TOPAZ1: variants seen among roughly 807,000 people sequenced by gnomAD.
TOPAZ1 encodes protein TOPAZ1.
TOPAZ1 carries 66 observed loss-of-function variants against 172.2 expected under a neutral mutation model. That is an observed-to-expected ratio of 0.38 (90% confidence interval 0.31 to 0.47). The LOEUF (loss-of-function observed/expected upper bound fraction) is 0.47, where lower values mean the gene tolerates loss of function less well. Among genes scored for constraint, TOPAZ1 ranks in the 20% least tolerant of loss-of-function variants. The pLI is 0.99. For synonymous variants in TOPAZ1, 681 were observed against 683.9 expected (o/e 1.00, Z 0.07); for missense variants, 1,822 against 1,972.4 (o/e 0.92, Z 1.44).
chr3:44,321,359 G>A (rs1168848805), intron 17 of TOPAZ1, among the ~76,000 whole-genome samples, 168 bp downstream of exon 17: 1 of 152,080 alleles, frequency 6.6e-6, no homozygotes, highest in Non-Finnish European at 1.5e-5. Flanking sequence ...ATACTTTCCT[G>A]ATGGTTTAAA....
chr3:44,336,456 G>A (rs2125709929), downstream of TOPAZ1, among the ~76,000 whole-genome samples: 1 of 152,310 alleles, frequency 6.6e-6, no homozygotes, highest in South Asian at 2.1e-4. Flanking sequence ...ATTATCTGTT[G>A]TTCAGCCACA....
intron 8 of TOPAZ1, among the ~76,000 whole-genome samples, chr3:44,274,647 C>T (rs1453904248): frequency 6.6e-6 from 1 of 151,658 alleles, no homozygotes; most frequent in Non-Finnish European, 1.5e-5. Context: ...CTCCGCCTCC[C>T]GGGTTCAAGC....
At chr3:44,324,037 C>A (rs1423987118) in intron 18 of TOPAZ1, among the ~76,000 whole-genome samples, 1 of 152,154 alleles carries the variant, frequency 6.6e-6, no homozygotes, top group Admixed American at 6.5e-5. Flanking sequence ...TGTCAAATAT[C>A]CTAGCCACTA....
intron 12 of TOPAZ1, among the ~76,000 whole-genome samples, chr3:44,302,832 A>G (rs139331760): frequency 1.9e-3 from 287 of 152,116 alleles, no homozygotes; most frequent in Non-Finnish European, 3.3e-3. Flanking sequence ...TATAAAAGCT[A>G]TTGTTTTTTG....
intron 12 of TOPAZ1, among the ~76,000 whole-genome samples, chr3:44,292,363 A>G (rs1700147257): frequency 6.6e-6 from 1 of 152,178 alleles, no homozygotes; most frequent in African/African-American, 2.4e-5. Context: ...AGTAGGGTGC[A>G]TTGATGTTGT....
chr3:44,242,288 A>C lies in TOPAZ1; in HGVS notation c.235A>C (p.Arg79=), dbSNP rs915545247. 1 of 1,551,086 alleles carries C rather than the reference A, an allele frequency of 6.4e-7. No homozygotes were observed. Among genetic ancestry groups the C allele is most frequent in the Non-Finnish European group, 8.7e-7 (1 of 1,146,846 alleles). ...AGCATCAGGGGCTGGAAAGGCCGCA[A>C]GGCGTCAGGTGGAGGGGCGCAGGGG... The part of the protein sequence containing the change: ...VAASGAGKAA[R]RQVEGRRGPV... The change falls in exon 1 of 20, where the codon AGG becomes CGG. Residue 79 remains arginine (R), a synonymous_variant. Coordinates refer to ENST00000309765, the MANE Select transcript of TOPAZ1 (RefSeq NM_001145030.2).
At chr3:44,261,273 C>T (rs1318569175) in intron 4 of TOPAZ1, among the ~76,000 whole-genome samples, 3 of 152,000 alleles carry the variant, frequency 2.0e-5, no homozygotes, top group Non-Finnish European at 4.4e-5. Flanking sequence ...AGGTTGTCTT[C>T]CAAGGCTTTT....
chr3:44,256,296 G>C lies in TOPAZ1; in HGVS notation c.2955+18G>C. On this transcript the variant is annotated intron_variant, in intron 4 of 19. Coordinates refer to ENST00000309765, the MANE Select transcript of TOPAZ1 (RefSeq NM_001145030.2). ...ATGAAAAGGTACTAGGGGATCTTTT[G>C]TGTTTTTTTATTTCTTGGTCTTAAA... The C allele has an allele frequency of 6.6e-7, 1 of 1,506,912 alleles. No homozygotes were observed. The highest frequency in any genetic ancestry group is 8.8e-7 in the Non-Finnish European group (1 of 1,134,250). The allele number at this position is 1,506,912 out of a possible 1,614,324, so 93.3% of individuals were successfully genotyped here.
At chr3:44,266,849 C>A in intron 5 of TOPAZ1, 148 bp from the exon 6 acceptor site, 1 of 513,770 alleles carries the variant, frequency 1.9e-6, no homozygotes, top group Non-Finnish European at 3.2e-6. Context: ...ATTAGACTTG[C>A]TCGACTCAGG....
intron 15 of TOPAZ1, 26 bp downstream of exon 15, chr3:44,306,452 C>A: frequency 1.4e-6 from 2 of 1,388,256 alleles, no homozygotes; most frequent in Non-Finnish European, 2.0e-6. Flanking sequence ...TTTGTCTTGG[C>A]TTGGTATAGA....
chr3:44,321,810 T>C (rs1218778246), intron 17 of TOPAZ1, among the ~76,000 whole-genome samples: 3 of 152,218 alleles, frequency 2.0e-5, no homozygotes, highest in Admixed American at 6.5e-5. Flanking sequence ...AGCATTCTTA[T>C]CTGTTTCTCC....
Position 44,245,222 on chromosome 3 carries a change from T to C in TOPAZ1, c.2716T>C (p.Ser906Pro), listed in dbSNP as rs1559523290. 6.5e-7 allele frequency: 1 copy of C among 1,546,176 alleles called. No individual in the cohort carries two copies. ...TGCTGGAGAGCACCAATCAACAGAC[T>C]CCAAGTACATGGAAACTCCAGTAAA... is the stretch of plus-strand genomic sequence containing the variant. The part of the protein sequence containing the change: ...NVAGEHQSTD[S>P]KYMETPVKKE... Residue 906 changes from serine to proline, a missense_variant, in exon 2 of 20, where the codon TCC becomes CCC. Transcript: ENST00000309765.
At chr3:44,294,445 A>G (rs1290482824) in intron 12 of TOPAZ1, among the ~76,000 whole-genome samples, 1 of 152,162 alleles carries the variant, frequency 6.6e-6, no homozygotes, top group Non-Finnish European at 1.5e-5. Flanking sequence ...GTTATTTTAT[A>G]CTTGAATTTT....
intron 16 of TOPAZ1, among the ~76,000 whole-genome samples, chr3:44,318,688 A>G (rs990583564): frequency 1.3e-5 from 2 of 151,476 alleles, no homozygotes; most frequent in Non-Finnish European, 2.9e-5. Context: ...TTTCAGCATC[A>G]TGGCCAGGCC....
In TOPAZ1 at chr3:44,328,148, G is replaced by C. The variant is rs1373299909; in HGVS notation, c.4676-102G>C. ...TTTGTTAATCTACTTCTAATGTGAAGACTTATTCTGTGTAAGTAATTATCG... is the reference window on the plus strand; with the variant it reads ...TTTGTTAATCTACTTCTAATGTGAACACTTATTCTGTGTAAGTAATTATCG... On this transcript the variant is annotated intron_variant, in intron 18 of 19. Transcript: ENST00000309765. 1.1e-5 allele frequency: 7 copies of C among 653,716 alleles called. 1 individual carries two copies. Among genetic ancestry groups the C allele is most frequent in the Non-Finnish European group, 1.2e-5 (5 of 405,786 alleles). 40.5% of individuals were successfully genotyped at this position (653,716 alleles called of 1,614,324 possible).
At chr3:44,304,304 A>C (rs1408829883) in intron 13 of TOPAZ1, among the ~76,000 whole-genome samples, 2 of 152,188 alleles carry the variant, frequency 1.3e-5, no homozygotes, top group Non-Finnish European at 2.9e-5. Context: ...AAATAATTCT[A>C]AAAATTGTTC....
chr3:44,325,716 T>C (rs1020935976), intron 18 of TOPAZ1, among the ~76,000 whole-genome samples: 6 of 151,896 alleles, frequency 4.0e-5, no homozygotes, highest in African/African-American at 1.5e-4. Context: ...CAATCTCGGC[T>C]CACTGCAACC....
rs1487741575 is a variant in TOPAZ1 at position 44,309,881 on chromosome 3, A to G, written c.4197A>G (p.Lys1399=). Residue 1399 remains lysine, a synonymous_variant, in exon 16 of 20, where the codon AAA becomes AAG. Transcript: ENST00000309765. ...TAAAAATACACTTTACAAGTTTAAA[A>G]GGACTTATAGGGCCTGAGAAGTTAG... ...YELKIHFTSL[K]GLIGPEKLAS... is the part of the protein sequence containing the mutation. The G allele has an allele frequency of 1.9e-6, 3 of 1,547,352 alleles. No individual in the cohort carries two copies. Among genetic ancestry groups the G allele is most frequent in the Non-Finnish European group, 2.6e-6 (3 of 1,144,104 alleles).
chr3:44,280,756 G>A (rs893154658), intron 8 of TOPAZ1, among the ~76,000 whole-genome samples: 2 of 152,352 alleles, frequency 1.3e-5, no homozygotes, highest in South Asian at 4.2e-4. Context: ...TTCTGGTGGG[G>A]GCGCTGAGTC....
Sources: gnomAD v4.1 joint callset for allele counts (sites outside exome capture counted in the v4.1 genomes callset) on GRCh38, gnomAD v4.1.1 for gene constraint, MANE v1.5 for transcripts, NCBI Gene and HGNC (gene_info 2026-07-23, HGNC 2026-07-21) for gene names.